The following LRBA variants were observed in gnomAD, a reference collection of about 807,000 sequenced individuals.
The protein encoded by LRBA is lipopolysaccharide-responsive and beige-like anchor protein.
In LRBA, 176 loss-of-function variants were observed where a neutral mutation model predicts 330.0. The observed-to-expected ratio is 0.53, with a 90% CI of 0.47 to 0.60. The LOEUF (loss-of-function observed/expected upper bound fraction) is 0.60, where lower values mean the gene tolerates loss of function less well. Ranked by LOEUF, LRBA falls within the 20% of genes least tolerant of loss-of-function variation. The pLI is 0.00. For missense variants in LRBA, 3,259 were observed against 3,444.8 expected, an observed-to-expected ratio of 0.95 and a Z score of 1.35; for synonymous variants, 1,230 against 1,193.0, an observed-to-expected ratio of 1.03 and a Z score of -0.64.
At chr4:150,984,058 C>G (rs1361466334) in intron 2 of LRBA, among the ~76,000 whole-genome samples, 3 of 152,192 alleles carry the variant, frequency 2.0e-5, no homozygotes, top group Non-Finnish European at 4.4e-5. Flanking sequence ...TCCAACAGCT[C>G]AAGGGCAGTT....
At chr4:150,961,674 A>T (rs1162708614) in intron 2 of LRBA, among the ~76,000 whole-genome samples, 1 of 148,906 alleles carries the variant, frequency 6.7e-6, no homozygotes, top group Non-Finnish European at 1.5e-5. Context: ...GCTGTGAAAA[A>T]GAAGTGCAAC....
chr4:150,564,038 T>C lies in LRBA; in HGVS notation c.6330+24010A>G, dbSNP rs1768781872. ...TCACAGAGTTAGAAAAAAAGTACTT[T>C]AAAGTTCATATGGAACCAAAAAAGA... On this transcript the variant is annotated intron_variant, in intron 40 of 56. Transcript: ENST00000651943. Among the ~76,000 whole-genome samples, 7 of 152,236 alleles carry C rather than the reference T, an allele frequency of 4.6e-5. No homozygotes were observed. In the South Asian group the frequency reaches 1.5e-3, roughly 32 times the overall value.
intron 44 of LRBA, among the ~76,000 whole-genome samples, chr4:150,442,429 G>A (rs1751963435): frequency 6.6e-6 from 1 of 152,182 alleles, no homozygotes. Context: ...AAGAAGCTCA[G>A]GAAAGGGAGG....
intron 40 of LRBA, among the ~76,000 whole-genome samples, chr4:150,554,896 C>G (rs1767094999): frequency 6.6e-6 from 1 of 152,054 alleles, no homozygotes; most frequent in South Asian, 2.1e-4. Context: ...ACATTAAACT[C>G]AGTGTTTAAG....
chr4:150,921,420 ATTTC>A (rs1211121926), intron 4 of LRBA, 127 bp from the exon 5 acceptor site: 35 of 623,074 alleles, frequency 5.6e-5, no homozygotes, highest in Non-Finnish European at 8.1e-5. Flanking sequence ...ATAGAAAATA[ATTTC>A]TAAGTTATTT....
intron 32 of LRBA, 56 bp from the exon 33 acceptor site, chr4:150,806,460 AG>A (rs1455298197): frequency 8.2e-7 from 1 of 1,224,646 alleles, no homozygotes; most frequent in African/African-American, 1.6e-5. Flanking sequence ...TCAATTTTCT[AG>A]TTTTGAAAAT....
At chr4:150,385,904 G>A (rs1481943129) in intron 47 of LRBA, among the ~76,000 whole-genome samples, 2 of 152,078 alleles carry the variant, frequency 1.3e-5, no homozygotes, top group African/African-American at 4.8e-5. Context: ...CTGGATAAAG[G>A]GATAAAGAAA....
intron 56 of LRBA, among the ~76,000 whole-genome samples, chr4:150,275,140 A>G (rs1746594520): frequency 6.6e-6 from 1 of 152,226 alleles, no homozygotes; most frequent in African/African-American, 2.4e-5. Context: ...CAAATCAATA[A>G]AAGTAATCCA....
rs187893029 is a variant in LRBA, at chr4:150,408,359, T to C, written c.7194+7079A>G. On this transcript the variant is annotated intron_variant, in intron 47 of 56. Coordinates refer to ENST00000651943, the MANE Select transcript of LRBA (RefSeq NM_001364905.1). ...AGAAAAAATTTAAAAAAAATCTTGA[T>C]AGACCTATAAAAACTAAAAAAACTG... Among the ~76,000 whole-genome samples, 228 of 152,188 alleles carry C rather than the reference T, an allele frequency of 1.5e-3. 1 individual carries two copies. The highest frequency in any genetic ancestry group is 4.6e-3 in the South Asian group (22 of 4,820).
chr4:150,761,849 T>C lies in LRBA; in HGVS notation c.5581-2A>G. 1 of 1,503,736 alleles carries C rather than the reference T, an allele frequency of 6.7e-7. No homozygotes were observed. Among genetic ancestry groups the C allele is most frequent in the Non-Finnish European group, 8.9e-7 (1 of 1,123,232 alleles). The allele number at this position is 1,503,736 out of a possible 1,614,324, so 93.1% of individuals were successfully genotyped here. On this transcript the variant is annotated splice_acceptor_variant, in intron 34 of 56. Coordinates refer to ENST00000651943, the MANE Select transcript of LRBA (RefSeq NM_001364905.1). LOFTEE classifies it high-confidence loss of function. ...CTTCTGAATAGAATTTTGCCACTCC[T>C]ATAAAAAAAAAAGCAAAAATAGCTG...
chr4:150,622,688 C>CTTTTTTTTTTTTTTTTTT (rs10528461), intron 37 of LRBA, among the ~76,000 whole-genome samples: 8 of 105,644 alleles, frequency 7.6e-5, no homozygotes, highest in African/African-American at 3.3e-4. Flanking sequence ...CTAAATCAAT[C>CTTTTTTTTTTTTTTTTTT]TTTTTTTTTT....
intron 35 of LRBA, among the ~76,000 whole-genome samples, chr4:150,741,235 A>T (rs145641670): frequency 6.6e-6 from 1 of 152,258 alleles, no homozygotes; most frequent in East Asian, 1.9e-4. Flanking sequence ...GCCAAACTTC[A>T]GAGAGAGAGA....
chr4:150,740,673 GA>G (rs1302508143), intron 35 of LRBA, among the ~76,000 whole-genome samples: 1 of 143,328 alleles, frequency 7.0e-6, no homozygotes, highest in Non-Finnish European at 1.5e-5. Flanking sequence ...AAAACTTAAA[GA>G]AAAAAGTATA....
At position 150,420,321 on chromosome 4, in the gene LRBA, G is replaced by GCACATTATAGTATAAAGTATATATAATA. The variant is rs1452376885; in HGVS notation, c.7042-4759_7042-4732dup. 4.1e-3 allele frequency among the ~76,000 whole-genome samples: 505 copies of GCACATTATAGTATAAAGTATATATAATA among 122,734 alleles called. 63 individuals carry two copies. The highest frequency in any genetic ancestry group is 0.018 in the African/African-American group (484 of 27,088). 80.5% of individuals were successfully genotyped at this position (122,734 alleles called of 152,430 possible). A position where few individuals can be genotyped will look rare whatever the true frequency, so the allele number is the denominator to read the frequency against. On this transcript the variant is annotated intron_variant, in intron 46 of 56. Transcript: ENST00000651943. ...CATTATAGTATAAAGTATATATAAT[G>GCACATTATAGTATAAAGTATATATAATA]CACATTATAGTATAAAGTATATATA... is the stretch of plus-strand genomic sequence containing the variant.
intron 22 of LRBA, 111 bp downstream of exon 22, chr4:150,867,560 G>T: frequency 1.4e-6 from 1 of 717,550 alleles, no homozygotes; most frequent in South Asian, 2.0e-5. Context: ...ACTTTCAGAA[G>T]ATAACTTGCC....
chr4:150,741,272 G>A (rs138254891), intron 35 of LRBA, among the ~76,000 whole-genome samples: 5 of 152,102 alleles, frequency 3.3e-5, no homozygotes, highest in East Asian at 3.9e-4. Flanking sequence ...TACAACCAAC[G>A]AGGAACTGCT....
At chr4:150,797,503 T>A (rs567254745) in intron 34 of LRBA, among the ~76,000 whole-genome samples, 1 of 152,136 alleles carries the variant, frequency 6.6e-6, no homozygotes, top group Admixed American at 6.5e-5. Context: ...TATATAAGTT[T>A]TTTTTAAAAA....
intron 49 of LRBA, among the ~76,000 whole-genome samples, chr4:150,324,005 C>CT (rs1399581540): frequency 6.6e-6 from 1 of 152,146 alleles, no homozygotes; most frequent in Non-Finnish European, 1.5e-5. Context: ...CACATATGGA[C>CT]AAAGCGAAAA....
At chr4:150,809,925 GATAC>G (rs1743467182) in intron 31 of LRBA, among the ~76,000 whole-genome samples, 1 of 109,130 alleles carries the variant, frequency 9.2e-6, no homozygotes, top group Non-Finnish European at 2.0e-5. Flanking sequence ...GATACGATAC[GATAC>G]GATACTTCCC....
Sources: allele counts gnomAD v4.1 joint callset (sites outside exome capture counted in the v4.1 genomes callset), GRCh38; gene constraint gnomAD v4.1.1; transcripts MANE v1.5; gene names NCBI Gene and HGNC (gene_info 2026-07-23, HGNC 2026-07-21).